Variants in GPR173 observed in about 807,000 individuals in gnomAD.
GPR173 encodes the protein G protein-coupled receptor 173.
GPR173 carries 2 observed loss-of-function variants against 13.9 expected under a neutral mutation model. The ratio of observed to expected loss-of-function variants is 0.14; its 90% CI spans 0.06 to 0.45. GPR173 has a LOEUF of 0.45. Ranked by LOEUF, GPR173 falls within the 20% of genes least tolerant of loss-of-function variation. The probability of loss-of-function intolerance (pLI) is 0.98; values close to 1 mark genes in which losing one functional copy is unlikely to be tolerated. For missense variants in GPR173, 202 were observed against 340.5 expected (o/e 0.59, Z 3.20); for synonymous variants, 131 against 141.0 (o/e 0.93, Z 0.50).
At chrX:53,057,547 G>A (rs373784882) in intron 1 of GPR173, among the ~76,000 whole-genome samples, 2 of 107,092 alleles carry the variant, frequency 1.9e-5, no homozygotes, top group South Asian at 4.2e-4. Context: ...AGACCAGCCT[G>A]ACCAACATGG....
intron 1 of GPR173, among the ~76,000 whole-genome samples, chrX:53,058,084 G>A (rs1394047308): frequency 2.7e-5 from 3 of 112,357 alleles, no homozygotes; most frequent in Admixed American, 9.4e-5. Context: ...ATAAAACCAC[G>A]AGCATGTGAG....
intron 1 of GPR173, 149 bp downstream of exon 1, chrX:53,049,633 G>A (rs1931925056): frequency 9.0e-6 from 1 of 110,810 alleles, no homozygotes. Flanking sequence ...GGGGCTCCTT[G>A]GTACCCAAGC....
intron 1 of GPR173, among the ~76,000 whole-genome samples, chrX:53,069,084 G>A (rs981898138): frequency 2.9e-5 from 3 of 103,488 alleles, no homozygotes; most frequent in South Asian, 4.7e-4. Flanking sequence ...CTCAGCCTCC[G>A]GAGTAGCTGG....
chrX:53,075,205 C>T (rs190608928), intron 1 of GPR173, among the ~76,000 whole-genome samples: 9 of 107,005 alleles, frequency 8.4e-5, no homozygotes, highest in Admixed American at 6.3e-4. Context: ...TTGCTCTGGC[C>T]GTTCCCCCTG....
intron 1 of GPR173, among the ~76,000 whole-genome samples, chrX:53,073,141 C>T (rs1021734506): frequency 4.6e-5 from 5 of 108,099 alleles, no homozygotes; most frequent in Admixed American, 3.0e-4. Context: ...ACAAGAATCA[C>T]TTGAATCCGG....
Position 53,074,075 on chromosome X carries a change from CATGTAT to C in GPR173, c.-97-2447_-97-2442del, listed in dbSNP as rs1932343074. On this transcript the variant is annotated intron_variant, in intron 1 of 1. Transcript: ENST00000332582. ...ATATATTTATAAATATATAAATATACATGTATATTTATTTATATATAAATATATAAA... is the reference window on the plus strand; with the variant it reads ...ATATATTTATAAATATATAAATATACATTTATTTATATATAAATATATAAA... Among the ~76,000 whole-genome samples, 5 of 23,736 alleles carry C rather than the reference CATGTAT, an allele frequency of 2.1e-4. 1 individual carries two copies. Among genetic ancestry groups the C allele is most frequent in the Non-Finnish European group, 1.2e-4 (2 of 16,562 alleles). 20.6% of individuals were successfully genotyped at this position (23,736 alleles called of 115,157 possible).
At chrX:53,068,593 T>C (rs1241422641) in intron 1 of GPR173, among the ~76,000 whole-genome samples, 8 of 107,752 alleles carry the variant, frequency 7.4e-5, no homozygotes, top group African/African-American at 2.7e-4. Context: ...CTGGGCAACA[T>C]AGTGAGACTG....
intron 1 of GPR173, among the ~76,000 whole-genome samples, chrX:53,067,935 A>C (rs1556804409): frequency 8.9e-6 from 1 of 112,616 alleles, no homozygotes; most frequent in African/African-American, 3.2e-5. Context: ...TGTAAAAACA[A>C]AAGATAGTAA....
At chrX:53,074,860 G>T (rs1339144818) in intron 1 of GPR173, among the ~76,000 whole-genome samples, 2 of 101,259 alleles carry the variant, frequency 2.0e-5, no homozygotes, top group African/African-American at 7.2e-5. Flanking sequence ...TAGGGAGAGT[G>T]GCATGGAGGG....
chrX:53,072,483 C>G (rs1396711864), intron 1 of GPR173, among the ~76,000 whole-genome samples: 1 of 107,565 alleles, frequency 9.3e-6, no homozygotes, highest in East Asian at 2.9e-4. Flanking sequence ...TTTTCTCACT[C>G]TCATTTTCAC....
chrX:53,056,282 G>C (rs1932036915), intron 1 of GPR173, among the ~76,000 whole-genome samples: 1 of 110,099 alleles, frequency 9.1e-6, no homozygotes, highest in Admixed American at 9.8e-5. Context: ...AGAGGGTGTG[G>C]GTGTATCAGT....
At chrX:53,072,997 C>T in intron 1 of GPR173, among the ~76,000 whole-genome samples, 1 of 110,868 alleles carries the variant, frequency 9.0e-6, no homozygotes, top group Admixed American at 9.7e-5. Flanking sequence ...CCAAGGCGGG[C>T]GAATCATTTG....
intron 1 of GPR173, 35 bp from the exon 2 acceptor site, chrX:53,076,490 G>T (rs935693398): frequency 6.6e-6 from 3 of 452,175 alleles, no homozygotes; most frequent in Non-Finnish European, 1.1e-5. Context: ...CTGTCTCTCT[G>T]TGTCTGTGTC....
intron 1 of GPR173, among the ~76,000 whole-genome samples, chrX:53,049,745 A>C (rs1931927000): frequency 9.0e-6 from 1 of 111,217 alleles, no homozygotes; most frequent in Admixed American, 9.5e-5. Flanking sequence ...TTTTATCATC[A>C]TGGTTGCGTT....
chrX:53,073,034 C>T (rs781947639), intron 1 of GPR173, among the ~76,000 whole-genome samples: 12 of 110,883 alleles, frequency 1.1e-4, no homozygotes, highest in African/African-American at 3.6e-4. Context: ...ACCAGCCTGG[C>T]TAGCATCACA....
chrX:53,074,166 A>G (rs144360945), intron 1 of GPR173, among the ~76,000 whole-genome samples: 395 of 20,144 alleles, frequency 0.02, 28 homozygotes, highest in Middle Eastern at 0.12. Flanking sequence ...AGAAATATAT[A>G]TAAATATACA....
In GPR173 at chrX:53,077,320, T is replaced by C; in HGVS notation, c.699T>C (p.His233=). 8.4e-7 allele frequency: 1 copy of C among 1,193,692 alleles called. No individual in the cohort carries two copies. The highest frequency in any genetic ancestry group is 2.3e-5 in the Admixed American group (1 of 43,663). Reference sequence around the variant, plus strand: ...CCATCAGCCAGAACTGGACATTCCATGGTCCCGGGGCCACCGGCCAGGCTG... The same window carrying C: ...CCATCAGCCAGAACTGGACATTCCACGGTCCCGGGGCCACCGGCCAGGCTG... The part of the protein sequence containing the change: ...VPAISQNWTF[H]GPGATGQAAA... The change falls in exon 2 of 2, where the codon CAT becomes CAC. Residue 233 remains histidine (H), a synonymous_variant. Coordinates refer to ENST00000332582, the MANE Select transcript of GPR173 (RefSeq NM_018969.6).
intron 1 of GPR173, among the ~76,000 whole-genome samples, chrX:53,074,727 G>T (rs782046857): frequency 1.2e-5 from 1 of 82,928 alleles, no homozygotes; most frequent in Non-Finnish European, 2.2e-5. Flanking sequence ...TTATTTATTT[G>T]TATTTATATA....
At chrX:53,069,064 AGTCTCCT>A (rs782056114) in intron 1 of GPR173, among the ~76,000 whole-genome samples, 2 of 102,219 alleles carry the variant, frequency 2.0e-5, no homozygotes, top group Middle Eastern at 4.9e-3. Context: ...GGTTCAAGCG[AGTCTCCT>A]GCCTCAGCCT....
Sources: allele counts gnomAD v4.1 joint callset (sites outside exome capture counted in the v4.1 genomes callset), GRCh38; gene constraint gnomAD v4.1.1; transcripts MANE v1.5; gene names NCBI Gene and HGNC (gene_info 2026-07-23, HGNC 2026-07-21).